AKAP10: variants seen among roughly 807,000 people sequenced by gnomAD.
The protein encoded by AKAP10 is A-kinase anchor protein 10, mitochondrial.
Under a neutral mutation model 80.8 loss-of-function variants are expected in AKAP10, and 24 were observed. The observed-to-expected ratio is 0.30, with a 90% CI of 0.22 to 0.42. The LOEUF is 0.42. Among genes scored for constraint, AKAP10 ranks in the 10% least tolerant of loss-of-function variants. The pLI is 1.00. For synonymous variants in AKAP10, 291 were observed against 277.7 expected, an observed-to-expected ratio of 1.05 and a Z score of -0.48; for missense variants, 661 against 794.9, an observed-to-expected ratio of 0.83 and a Z score of 2.03.
In AKAP10 at chr17:19,975,648, GAGA is replaced by G. The variant is rs554195220; in HGVS notation, c.88+1941_88+1943del. 6.6e-5 allele frequency among the ~76,000 whole-genome samples: 10 copies of G among 152,322 alleles called. No individual in the cohort carries two copies. In the East Asian group the frequency reaches 1.3e-3, roughly 21 times the overall value. ...CTTACATGGAGCGAAAGGGAGAAGA[GAGA>G]AGATTTGTTTGCTTATTTATTATCT... On this transcript the variant is annotated intron_variant, in intron 1 of 14. Transcript: ENST00000225737.
rs146417311 is a variant in AKAP10, at chr17:19,964,811, C to T, written c.137-1789G>A. On this transcript the variant is annotated intron_variant, in intron 2 of 14. Coordinates refer to ENST00000225737, the MANE Select transcript of AKAP10 (RefSeq NM_007202.4). ...GGGAGGCTGAGGCAGGAGAATCACT[C>T]GAACCCGAGAGGCAGAGGTTGCAGT... Among the ~76,000 whole-genome samples the T allele has an allele frequency of 4.1e-3, 625 of 152,216 alleles. 4 individuals are homozygous for T. The highest frequency in any genetic ancestry group is 0.015 in the African/African-American group (607 of 41,548).
chr17:19,956,821 A>G (rs1485544578), intron 4 of AKAP10, among the ~76,000 whole-genome samples: 1 of 151,920 alleles, frequency 6.6e-6, no homozygotes, highest in Non-Finnish European at 1.5e-5. Context: ...CCTGACCAAC[A>G]TGGTGAAACC....
Position 19,949,070 on chromosome 17 carries a change from A to G in AKAP10, c.878-1565T>C, listed in dbSNP as rs78474641. Among the ~76,000 whole-genome samples the G allele has an allele frequency of 2.6e-3, 403 of 152,322 alleles. 15 individuals are homozygous for G. The East Asian group carries it at 0.074, about 28-fold the overall frequency. ...ATATAAAGAACCAGAAAATCCCATT[A>G]TCTCACAAGAGAAAAGACAATCAAG... On this transcript the variant is annotated intron_variant, in intron 4 of 14. Coordinates refer to ENST00000225737, the MANE Select transcript of AKAP10 (RefSeq NM_007202.4).
intron 8 of AKAP10, among the ~76,000 whole-genome samples, chr17:19,938,188 A>G (rs1488699455): frequency 6.6e-6 from 1 of 151,756 alleles, no homozygotes; most frequent in African/African-American, 2.4e-5. Flanking sequence ...TGGCCTCCCA[A>G]AGTGCTGGGA....
chr17:19,967,622 C>CCT (rs1185187080), intron 2 of AKAP10, among the ~76,000 whole-genome samples: 2 of 152,242 alleles, frequency 1.3e-5, no homozygotes, highest in Non-Finnish European at 2.9e-5. Context: ...GTGGCTCACG[C>CCT]CTGTAATCCC....
intron 1 of AKAP10, among the ~76,000 whole-genome samples, chr17:19,969,538 G>A (rs2043467878): frequency 7.0e-6 from 1 of 143,210 alleles, no homozygotes; most frequent in Non-Finnish European, 1.5e-5. Flanking sequence ...CTCTTTTCTT[G>A]TTTTTTTTTT....
intron 4 of AKAP10, among the ~76,000 whole-genome samples, chr17:19,951,043 G>A (rs28361525): frequency 0.067 from 9,786 of 146,312 alleles, 767 homozygotes; most frequent in African/African-American, 0.22. Flanking sequence ...CGGCCGCCCC[G>A]TCTGAGAAGT....
chr17:19,931,742 T>A, intron 10 of AKAP10, 63 bp downstream of exon 10: 4 of 1,507,584 alleles, frequency 2.7e-6, no homozygotes, highest in Non-Finnish European at 3.6e-6. Context: ...GATCTGTTAC[T>A]GGGATGTGAA....
intron 5 of AKAP10, among the ~76,000 whole-genome samples, chr17:19,946,107 A>G (rs1407990763): frequency 1.5e-5 from 2 of 132,720 alleles, no homozygotes; most frequent in African/African-American, 5.9e-5. Context: ...TTATTCTAGT[A>G]TATATATATA....
At chr17:19,977,126 AC>A (rs2152420490) in intron 1 of AKAP10, among the ~76,000 whole-genome samples, 1 of 152,044 alleles carries the variant, frequency 6.6e-6, no homozygotes, top group East Asian at 1.9e-4. Context: ...AGCAGTAACT[AC>A]CCCTCCCCCC....
rs568241871 is a variant in AKAP10, at chr17:19,939,831, C to T, written c.1204G>A (p.Ala402Thr). ...YFSEYMEKED[A>T]VNILQFWLAA... ...AACCAGAATTGTAAGATATTCACTGCATCCTCTTTTTCCATGTACTAGGAA... is the reference window on the plus strand; with the variant it reads ...AACCAGAATTGTAAGATATTCACTGTATCCTCTTTTTCCATGTACTAGGAA... The change falls in exon 8 of 15, where the codon GCA becomes ACA. Residue 402 changes from alanine to threonine, a missense_variant. Ala to Thr is a moderately conservative substitution (Grantham distance 58, BLOSUM62 0). Transcript: ENST00000225737. The T allele has an allele frequency of 5.0e-6, 8 of 1,613,504 alleles. No homozygotes were observed. The highest frequency in any genetic ancestry group is 6.8e-6 in the Non-Finnish European group (8 of 1,179,904).
Position 19,964,736 on chromosome 17 carries a change from A to C in AKAP10, c.137-1714T>G, listed in dbSNP as rs1001898621. On this transcript the variant is annotated intron_variant, in intron 2 of 14. Transcript: ENST00000225737. ...GAAACCCCATCTCTACTAAAAATAC[A>C]AAAGAAATTAGCTGGGCTTGGTGGC... Among the ~76,000 whole-genome samples the C allele has an allele frequency of 4.6e-5, 7 of 152,200 alleles. No individual in the cohort carries two copies. The East Asian group carries it at 1.4e-3, about 29-fold the overall frequency.
rs763623171 is a variant in AKAP10, at chr17:19,958,269, C to G, written c.622G>C (p.Glu208Gln). The G allele has an allele frequency of 6.2e-7, 1 of 1,614,140 alleles. No individual in the cohort carries two copies. Among genetic ancestry groups the G allele is most frequent in the South Asian group, 1.1e-5 (1 of 91,082 alleles). ...AACAACTGTGCTGAGCCAGAATCCT[C>G]CAATCTCTTATCAAGAGAATCAGTT... is the stretch of plus-strand genomic sequence containing the variant. ...FLTDSLDKRL[E>Q]DSGSAQLFMT... Residue 208 changes from glutamate (E) to glutamine (Q), a missense_variant, in exon 4 of 15, where the codon GAG becomes CAG. Coordinates refer to ENST00000225737, the MANE Select transcript of AKAP10 (RefSeq NM_007202.4).
intron 4 of AKAP10, among the ~76,000 whole-genome samples, chr17:19,953,442 CA>C (rs919031759): frequency 6.6e-6 from 1 of 150,990 alleles, no homozygotes; most frequent in African/African-American, 2.4e-5. Context: ...GAAAACAAAA[CA>C]ACAGAAAAAT....
chr17:19,941,079 T>C, intron 6 of AKAP10, 69 bp from the exon 7 acceptor site: 1 of 1,513,016 alleles, frequency 6.6e-7, no homozygotes, highest in African/African-American at 1.4e-5. Flanking sequence ...AAAAATATAC[T>C]CTTTCCATAC....
At chr17:19,959,877 ATCT>A (rs747298510) in intron 3 of AKAP10, among the ~76,000 whole-genome samples, 1 of 152,168 alleles carries the variant, frequency 6.6e-6, no homozygotes, top group Non-Finnish European at 1.5e-5. Context: ...GGAAATTCTG[ATCT>A]TCTGTGAGGT....
chr17:19,968,501 C>A (rs956204968), intron 1 of AKAP10, 40 bp from the exon 2 acceptor site: 1 of 1,526,776 alleles, frequency 6.5e-7, no homozygotes, highest in South Asian at 1.1e-5. Context: ...CTTTTGCAGT[C>A]AGAGATCCAT....
intron 12 of AKAP10, among the ~76,000 whole-genome samples, chr17:19,911,114 AG>A (rs2042685184): frequency 6.6e-6 from 1 of 152,184 alleles, no homozygotes; most frequent in Non-Finnish European, 1.5e-5. Context: ...TTATTACCTA[AG>A]GGTTTAAATA....
chr17:19,952,197 C>T (rs1055094395), intron 4 of AKAP10, among the ~76,000 whole-genome samples: 14 of 151,998 alleles, frequency 9.2e-5, no homozygotes, highest in African/African-American at 3.1e-4. Context: ...GGTGCAGTGG[C>T]TCACGCCTGT....
Sources: gnomAD v4.1 joint callset for allele counts (sites outside exome capture counted in the v4.1 genomes callset) on GRCh38, gnomAD v4.1.1 for gene constraint, MANE v1.5 for transcripts, NCBI Gene and HGNC (gene_info 2026-07-23, HGNC 2026-07-21) for gene names.